Variants in SV2B observed in about 807,000 individuals in gnomAD.
The protein encoded by SV2B is solute carrier family 22 member B2.
SV2B carries 41 observed loss-of-function variants against 73.9 expected under a neutral mutation model. The ratio of observed to expected loss-of-function variants is 0.56; its 90% CI spans 0.43 to 0.72. SV2B has a LOEUF of 0.72. SV2B is among the 30% of genes least tolerant of loss of function. The pLI, the probability that SV2B is intolerant of heterozygous loss-of-function variation, is 0.00. For missense variants in SV2B, 764 were observed against 857.8 expected (o/e 0.89, Z 1.37); for synonymous variants, 314 against 314.2 (o/e 1.00, Z 0.01).
intron 1 of SV2B, among the ~76,000 whole-genome samples, chr15:91,218,228 G>C (rs1004415507): frequency 1.3e-5 from 2 of 152,204 alleles, no homozygotes; most frequent in African/African-American, 4.8e-5. Flanking sequence ...ATGGTCTCAT[G>C]AGAATGAGCT....
intron 12 of SV2B, among the ~76,000 whole-genome samples, chr15:91,291,557 T>G (rs534140707): frequency 7.2e-5 from 11 of 152,356 alleles, no homozygotes; most frequent in African/African-American, 2.6e-4. Context: ...CTGGAAAGTG[T>G]GATTGAAAGA....
chr15:91,145,153 A>G (rs1021758047), intron 1 of SV2B, among the ~76,000 whole-genome samples: 1 of 152,024 alleles, frequency 6.6e-6, no homozygotes, highest in Non-Finnish European at 1.5e-5. Context: ...TCCATCCTCC[A>G]ATAGACTCCA....
chr15:91,112,984 A>T (rs925357353), intron 1 of SV2B, among the ~76,000 whole-genome samples: 2 of 152,058 alleles, frequency 1.3e-5, no homozygotes, highest in Non-Finnish European at 2.9e-5. Flanking sequence ...TTCCTGGCTA[A>T]TTTTTATTAA....
At position 91,234,157 on chromosome 15, in the gene SV2B, G is replaced by A. The variant is rs1356027232; in HGVS notation, c.451+7443G>A. On this transcript the variant is annotated intron_variant, in intron 2 of 12. Coordinates refer to ENST00000394232, the MANE Select transcript of SV2B (RefSeq NM_001323032.3). This position sits in a 1 kb window ranked among gnomAD's most constrained non-coding sequence, Gnocchi z 5.6. ...AAATGCCAGACCTATGTTGGTTTAT[G>A]GTAGAGGAAGAGATTGAAAGGCCTA... is the stretch of plus-strand genomic sequence containing the variant. 2.0e-5 allele frequency among the ~76,000 whole-genome samples: 3 copies of A among 152,196 alleles called. No individual in the cohort carries two copies. The highest frequency in any genetic ancestry group is 6.5e-5 in the Admixed American group (1 of 15,274).
chr15:91,260,087 A>G (rs918855102), intron 5 of SV2B, among the ~76,000 whole-genome samples: 2 of 152,138 alleles, frequency 1.3e-5, no homozygotes, highest in Non-Finnish European at 2.9e-5. Flanking sequence ...ACTACCTAAC[A>G]TTTACACCTT....
rs1440754878 is a variant in SV2B, at chr15:91,236,738, C to A, written c.451+10024C>A. Among the ~76,000 whole-genome samples the A allele has an allele frequency of 1.3e-5, 2 of 152,126 alleles. No homozygotes were observed. Among genetic ancestry groups the A allele is most frequent in the Admixed American group, 6.6e-5 (1 of 15,266 alleles). On this transcript the variant is annotated intron_variant, in intron 2 of 12. Coordinates refer to ENST00000394232, the MANE Select transcript of SV2B (RefSeq NM_001323032.3). The surrounding 1 kb of genome is among the most constrained non-coding windows in gnomAD (Gnocchi z 4.1). The stretch of plus-strand genomic sequence containing the variant: ...TTTGCTTATAAATCTGCAGTCTGGG[C>A]AGACACCTGGCCCCTATTCCACTTG...
Position 91,268,575 on chromosome 15 carries a change from T to A in SV2B, c.1343T>A (p.Ile448Asn), listed in dbSNP as rs142544908. 5.0e-6 allele frequency: 8 copies of A among 1,613,490 alleles called. No homozygotes were observed. Among genetic ancestry groups the A allele is most frequent in the Non-Finnish European group, 6.8e-6 (8 of 1,179,570 alleles). ...ATCAACTTCACGATGGAAAATCAGA[T>A]CCACCAACATGGGAAACTTGTGAAT... ...ATINFTMENQ[I>N]HQHGKLVNDK... Residue 448 changes from isoleucine (I) to asparagine (N), a missense_variant, in exon 9 of 13, where the codon ATC (isoleucine) becomes AAC (asparagine). Ile to Asn is a moderately radical substitution (Grantham distance 149). Transcript: ENST00000394232. This position sits in a 1 kb window ranked among gnomAD's most constrained non-coding sequence, Gnocchi z 4.4.
At chr15:91,237,228 C>T (rs1393575684) in intron 2 of SV2B, among the ~76,000 whole-genome samples, 1 of 152,164 alleles carries the variant, frequency 6.6e-6, no homozygotes, top group East Asian at 1.9e-4. Context: ...CTCTGTGTGG[C>T]CCCTCTCAAA....
At chr15:91,160,178 C>T (rs761111380) in intron 1 of SV2B, among the ~76,000 whole-genome samples, 9 of 152,094 alleles carry the variant, frequency 5.9e-5, no homozygotes, top group East Asian at 1.9e-4. Flanking sequence ...TGATAAGAAT[C>T]ATAATGTTAT....
intron 1 of SV2B, among the ~76,000 whole-genome samples, chr15:91,221,689 G>GTGTGCA (rs1439638769): frequency 8.2e-5 from 5 of 60,672 alleles, no homozygotes; most frequent in African/African-American, 4.6e-4. Context: ...TACCAAGCAT[G>GTGTGCA]TGCGCACACA....
Position 91,110,563 on chromosome 15 carries a change from G to A in SV2B, c.-392+10200G>A, listed in dbSNP as rs951186326. ...ACGCAGAATCTGACCGTGGCCTCTCGCCTGATCTGGGGTGCAGCAGATGGC... is the reference window on the plus strand; with the variant it reads ...ACGCAGAATCTGACCGTGGCCTCTCACCTGATCTGGGGTGCAGCAGATGGC... On this transcript the variant is annotated intron_variant, in intron 1 of 12. Transcript: ENST00000394232. This position sits in a 1 kb window ranked among gnomAD's most constrained non-coding sequence, Gnocchi z 5.4. Among the ~76,000 whole-genome samples, 38 of 152,278 alleles carry A rather than the reference G, an allele frequency of 2.5e-4. No individual in the cohort carries two copies. Among genetic ancestry groups the A allele is most frequent in the African/African-American group, 8.9e-4 (37 of 41,546 alleles).
At chr15:91,108,380 T>C (rs2041947643) in intron 1 of SV2B, among the ~76,000 whole-genome samples, 1 of 152,166 alleles carries the variant, frequency 6.6e-6, no homozygotes, top group Non-Finnish European at 1.5e-5. Flanking sequence ...ATAATGAAAA[T>C]TTTGGAGTCA....
chr15:91,207,533 G>T (rs1182684513), intron 1 of SV2B, among the ~76,000 whole-genome samples: 4 of 152,080 alleles, frequency 2.6e-5, no homozygotes, highest in African/African-American at 2.4e-5. Flanking sequence ...ATTTATCGGG[G>T]GCAATATCCA....
chr15:91,132,129 T>G lies in SV2B; in HGVS notation c.-392+31766T>G, dbSNP rs11852252. Among the ~76,000 whole-genome samples the G allele has an allele frequency of 0.4, 60,145 of 152,050 alleles. 13,308 individuals carry two copies. The highest frequency in any genetic ancestry group is 0.57 in the African/African-American group (23,564 of 41,460). ...GAAGCATCAAAAGAACGAAAGCAGG[T>G]ATTTATCGAAAATGAAAGTACACTC... On this transcript the variant is annotated intron_variant, in intron 1 of 12. Coordinates refer to ENST00000394232, the MANE Select transcript of SV2B (RefSeq NM_001323032.3). This position sits in a 1 kb window ranked among gnomAD's most constrained non-coding sequence, Gnocchi z 4.6.
At chr15:91,159,370 A>T (rs1420615115) in intron 1 of SV2B, among the ~76,000 whole-genome samples, 2 of 152,220 alleles carry the variant, frequency 1.3e-5, no homozygotes, top group Non-Finnish European at 2.9e-5. Context: ...GCTCTGCTCT[A>T]CCCAAAAGGG....
chr15:91,208,112 C>T (rs969757032), intron 1 of SV2B, among the ~76,000 whole-genome samples: 5 of 152,164 alleles, frequency 3.3e-5, no homozygotes, highest in African/African-American at 1.2e-4. Flanking sequence ...ATTTTCTGCA[C>T]CCCATCAATA....
At chr15:91,216,494 A>G (rs929220653) in intron 1 of SV2B, among the ~76,000 whole-genome samples, 1 of 150,336 alleles carries the variant, frequency 6.7e-6, no homozygotes, top group African/African-American at 2.5e-5. Flanking sequence ...GTTTTTTGAG[A>G]TGGAGTCTTG....
chr15:91,113,680 T>C (rs1282864981), intron 1 of SV2B, among the ~76,000 whole-genome samples: 1 of 152,206 alleles, frequency 6.6e-6, no homozygotes, highest in Admixed American at 6.5e-5. Flanking sequence ...TTTTCTTCTC[T>C]CATTGTTTCT....
At chr15:91,198,402 A>C (rs992671679) in intron 1 of SV2B, among the ~76,000 whole-genome samples, 3 of 148,182 alleles carry the variant, frequency 2.0e-5, no homozygotes, top group African/African-American at 7.6e-5. Flanking sequence ...GATTTTTCTC[A>C]TTGCTTTTTC....
Sources: allele counts gnomAD v4.1 joint callset (sites outside exome capture counted in the v4.1 genomes callset), GRCh38; gene constraint gnomAD v4.1.1; non-coding constraint Gnocchi (gnomAD v3.1); transcripts MANE v1.5; gene names NCBI Gene and HGNC (gene_info 2026-07-23, HGNC 2026-07-21).